Variants in UGGT2 observed in about 807,000 individuals in gnomAD.
UGGT2 encodes the protein UDP-glucose glycoprotein glucosyltransferase 2, also known as UDP-glucose:glycoprotein glucosyltransferase 2.
In UGGT2, 180 loss-of-function variants were observed where a neutral mutation model predicts 192.1. That is an observed-to-expected ratio of 0.94 (90% CI 0.83 to 1.06). UGGT2 has a LOEUF of 1.06. Among genes scored for constraint, UGGT2 ranks in the 50% least tolerant of loss-of-function variants. The probability of loss-of-function intolerance (pLI) is 0.00; values close to 1 mark genes in which losing one functional copy is unlikely to be tolerated. For missense variants in UGGT2, 1,849 were observed against 1,795.7 expected (o/e 1.03, Z -0.54); for synonymous variants, 580 against 591.0 (o/e 0.98, Z 0.27).
At position 95,868,430 on chromosome 13, in the gene UGGT2, C is replaced by CA. The variant is rs1185164622; in HGVS notation, c.3474-1008dup. 1.2e-4 allele frequency among the ~76,000 whole-genome samples: 18 copies of CA among 151,922 alleles called. 1 individual carries two copies. The highest frequency in any genetic ancestry group is 1.2e-3 in the Admixed American group (18 of 15,230). Reference sequence around the variant, plus strand: ...GGGCAACAGTGAGACCTCGTCTCTGCAAAAAATTTTTTTTTAAATTAGCTG... The same window carrying CA: ...GGGCAACAGTGAGACCTCGTCTCTGCAAAAAAATTTTTTTTTAAATTAGCTG... On this transcript the variant is annotated intron_variant, in intron 29 of 38. Coordinates refer to ENST00000376747, the MANE Select transcript of UGGT2 (RefSeq NM_020121.4).
At chr13:95,845,159 T>C (rs1405620538) in intron 36 of UGGT2, among the ~76,000 whole-genome samples, 2 of 142,846 alleles carry the variant, frequency 1.4e-5, no homozygotes, top group South Asian at 2.3e-4. Flanking sequence ...TCACGATTCA[T>C]GATATAAGAT....
At chr13:95,940,368 T>G (rs2049628983) in intron 15 of UGGT2, among the ~76,000 whole-genome samples, 1 of 151,850 alleles carries the variant, frequency 6.6e-6, no homozygotes, top group Non-Finnish European at 1.5e-5. Flanking sequence ...AATGATTACC[T>G]TTTTTAATGT....
At chr13:95,905,879 A>C (rs2048274564) in intron 20 of UGGT2, among the ~76,000 whole-genome samples, 1 of 152,122 alleles carries the variant, frequency 6.6e-6, no homozygotes, top group African/African-American at 2.4e-5. Context: ...ATCTGGAATC[A>C]ATTTTTGTGT....
chr13:95,821,481 C>T (rs1885508253), intron 38 of UGGT2, among the ~76,000 whole-genome samples: 1 of 152,008 alleles, frequency 6.6e-6, no homozygotes, highest in African/African-American at 2.4e-5. Context: ...GGATACTAGT[C>T]CTTTGTTAGA....
At chr13:95,809,162 G>C in intron 38 of UGGT2, 1 of 450,802 alleles carries the variant, frequency 2.2e-6, no homozygotes, top group Non-Finnish European at 4.4e-6. Context: ...CTTAAAAAAT[G>C]GGATGAGGTG....
intron 36 of UGGT2, among the ~76,000 whole-genome samples, chr13:95,852,169 C>A (rs1478298853): frequency 1.3e-5 from 2 of 152,150 alleles, no homozygotes; most frequent in African/African-American, 4.8e-5. Flanking sequence ...GATTTTTAAA[C>A]AAAGGGACTA....
intron 17 of UGGT2, among the ~76,000 whole-genome samples, chr13:95,931,249 G>A (rs1363509198): frequency 2.6e-5 from 4 of 151,864 alleles, no homozygotes; most frequent in African/African-American, 4.8e-5. Context: ...CTAGACACAG[G>A]GTACTGATTG....
chr13:95,986,614 T>C (rs2051297583), intron 8 of UGGT2, among the ~76,000 whole-genome samples, 182 bp from the exon 9 acceptor site: 1 of 152,118 alleles, frequency 6.6e-6, no homozygotes, highest in East Asian at 1.9e-4. Flanking sequence ...TTTCCAAATA[T>C]AAGCTTTATA....
At position 95,931,717 on chromosome 13, in the gene UGGT2, G is replaced by A. The variant is rs955249982; in HGVS notation, c.1978-4381C>T. ...GCCCCTCACTGCCCGGGCCGGCAGC[G>A]CCCGCCGGCCTGAGTGCAGGGCCTG... On this transcript the variant is annotated intron_variant, in intron 17 of 38. Transcript: ENST00000376747. Among the ~76,000 whole-genome samples the A allele has an allele frequency of 1.2e-4, 19 of 152,194 alleles. No individual in the cohort carries two copies. In the East Asian group the frequency reaches 2.1e-3, roughly 17 times the overall value.
intron 12 of UGGT2, among the ~76,000 whole-genome samples, chr13:95,955,498 T>C (rs2050186760): frequency 6.6e-6 from 1 of 152,232 alleles, no homozygotes; most frequent in Non-Finnish European, 1.5e-5. Flanking sequence ...TTTCTGTTAG[T>C]TGCAAAACAG....
chr13:95,980,527 C>G (rs1396641439), intron 10 of UGGT2, among the ~76,000 whole-genome samples: 1 of 151,984 alleles, frequency 6.6e-6, no homozygotes, highest in Non-Finnish European at 1.5e-5. Context: ...GATGGGTGCA[C>G]CAAAATCTCA....
chr13:95,933,062 G>A (rs2140486452), intron 17 of UGGT2, among the ~76,000 whole-genome samples: 1 of 152,232 alleles, frequency 6.6e-6, no homozygotes, highest in East Asian at 1.9e-4. Flanking sequence ...ATGTTTGCCA[G>A]GTTTTGGTAT....
chr13:96,041,754 C>T (rs1172939224), intron 1 of UGGT2, among the ~76,000 whole-genome samples: 9 of 152,024 alleles, frequency 5.9e-5, no homozygotes, highest in Non-Finnish European at 1.5e-5. Flanking sequence ...GTAGGCTTTC[C>T]CCCACTTCCC....
At chr13:95,841,058 G>A (rs928872878) in intron 36 of UGGT2, among the ~76,000 whole-genome samples, 3 of 152,040 alleles carry the variant, frequency 2.0e-5, no homozygotes, top group African/African-American at 4.8e-5. Context: ...TGGAGGGCTG[G>A]GGGAAGCGGA....
intron 9 of UGGT2, among the ~76,000 whole-genome samples, chr13:95,984,204 A>G (rs550848328): frequency 4.6e-5 from 7 of 152,334 alleles, no homozygotes; most frequent in African/African-American, 1.4e-4. Flanking sequence ...CCAATGTATA[A>G]GTACATGAAT....
At chr13:95,930,639 A>C (rs192686282) in intron 17 of UGGT2, among the ~76,000 whole-genome samples, 2 of 152,158 alleles carry the variant, frequency 1.3e-5, no homozygotes, top group African/African-American at 4.8e-5. Context: ...TACCAGTACC[A>C]TGCTGCTCTG....
intron 38 of UGGT2, chr13:95,832,574 T>C: frequency 3.0e-6 from 1 of 334,492 alleles, no homozygotes; most frequent in Non-Finnish European, 5.9e-6. Context: ...AAAGCTTTTA[T>C]TAATTTTTAG....
chr13:95,941,646 C>G (rs1594393572), intron 15 of UGGT2, among the ~76,000 whole-genome samples: 1 of 152,150 alleles, frequency 6.6e-6, no homozygotes, highest in African/African-American at 2.4e-5. Flanking sequence ...ATAAGGTAGT[C>G]AGAATGCCTC....
chr13:95,819,106 A>G (rs1383374487), intron 38 of UGGT2, among the ~76,000 whole-genome samples: 1 of 152,200 alleles, frequency 6.6e-6, no homozygotes, highest in Non-Finnish European at 1.5e-5. Flanking sequence ...AAATCACACA[A>G]AGTAGATGAC....
Sources: gnomAD v4.1 joint callset for allele counts (sites outside exome capture counted in the v4.1 genomes callset) on GRCh38, gnomAD v4.1.1 for gene constraint, MANE v1.5 for transcripts, NCBI Gene and HGNC (gene_info 2026-07-23, HGNC 2026-07-21) for gene names.